The following LIMD1 variants were observed in gnomAD, a reference collection of about 807,000 sequenced individuals.
The protein encoded by LIMD1 is LIM domain containing 1, also known as LIM domain-containing protein 1.
In LIMD1, 23 loss-of-function variants were observed where a neutral mutation model predicts 58.4. The ratio of observed to expected loss-of-function variants is 0.39; its 90% CI spans 0.28 to 0.56. The LOEUF (loss-of-function observed/expected upper bound fraction) is 0.56. Ranked by LOEUF, LIMD1 falls within the 20% of genes least tolerant of loss-of-function variation. The probability of loss-of-function intolerance (pLI) is 0.57; values close to 1 mark genes in which losing one functional copy is unlikely to be tolerated. For synonymous variants in LIMD1, 334 were observed against 345.5 expected (o/e 0.97, Z 0.37); for missense variants, 838 against 855.5 (o/e 0.98, Z 0.25).
At chr3:45,644,771 T>G (rs534576927) in intron 2 of LIMD1, among the ~76,000 whole-genome samples, 1 of 151,998 alleles carries the variant, frequency 6.6e-6, no homozygotes, top group Non-Finnish European at 1.5e-5. Context: ...GCTGTAGCCA[T>G]GGGGCCTTGC....
chr3:45,670,480 A>G (rs539482490), intron 4 of LIMD1, among the ~76,000 whole-genome samples: 2 of 152,240 alleles, frequency 1.3e-5, no homozygotes, highest in African/African-American at 4.8e-5. Context: ...GGGGTCTCCT[A>G]CTTAACTTTG....
At chr3:45,665,796 C>A in intron 3 of LIMD1, 79 bp downstream of exon 3, 2 of 1,212,962 alleles carry the variant, frequency 1.6e-6, no homozygotes, top group Non-Finnish European at 2.4e-6. Flanking sequence ...CCTGGGCCAG[C>A]GTGTAGGGAA....
intron 6 of LIMD1, chr3:45,674,020 T>G: frequency 3.2e-6 from 1 of 313,386 alleles, no homozygotes; most frequent in Non-Finnish European, 6.0e-6. Context: ...TCAAACTCCC[T>G]TACTTGATAC....
intron 2 of LIMD1, among the ~76,000 whole-genome samples, chr3:45,649,597 C>T (rs1349537765): frequency 2.0e-5 from 3 of 149,682 alleles, no homozygotes; most frequent in African/African-American, 7.3e-5. Context: ...AGCAGAATGG[C>T]GTGAACGCAG....
intron 1 of LIMD1, among the ~76,000 whole-genome samples, chr3:45,615,267 G>A (rs1466757226): frequency 6.6e-6 from 1 of 152,134 alleles, no homozygotes; most frequent in East Asian, 1.9e-4. Flanking sequence ...AACAAGGTCT[G>A]TTTGTACAGA....
At chr3:45,665,489 C>T (rs1325512985) in intron 2 of LIMD1, among the ~76,000 whole-genome samples, 161 bp from the exon 3 acceptor site, 1 of 152,172 alleles carries the variant, frequency 6.6e-6, no homozygotes, top group African/African-American at 2.4e-5. Flanking sequence ...TGCCTCTCGC[C>T]GAGGGCCACG....
At chr3:45,609,723 T>C (rs1701505288) in intron 1 of LIMD1, among the ~76,000 whole-genome samples, 1 of 152,240 alleles carries the variant, frequency 6.6e-6, no homozygotes, top group African/African-American at 2.4e-5. Context: ...GAGTACCTAC[T>C]ATGTGCAAGA....
intron 1 of LIMD1, among the ~76,000 whole-genome samples, chr3:45,607,831 C>A (rs992832279): frequency 6.6e-6 from 1 of 152,192 alleles, no homozygotes; most frequent in South Asian, 2.1e-4. Flanking sequence ...ACAGCAGCTT[C>A]CCTGTTCCCC....
intron 1 of LIMD1, among the ~76,000 whole-genome samples, chr3:45,620,485 G>A (rs1052024181): frequency 2.0e-5 from 3 of 152,172 alleles, no homozygotes; most frequent in African/African-American, 7.2e-5. Flanking sequence ...AATAGTTGTT[G>A]CTGTCAAGAA....
At chr3:45,649,316 T>G (rs567786640) in intron 2 of LIMD1, among the ~76,000 whole-genome samples, 1 of 152,272 alleles carries the variant, frequency 6.6e-6, no homozygotes, top group Middle Eastern at 3.4e-3. Context: ...CTTTTTCGTA[T>G]GCTGATTTGG....
Position 45,595,538 on chromosome 3 carries a change from A to T in LIMD1, c.659A>T (p.Lys220Ile). 1 of 1,614,078 alleles carries T rather than the reference A, an allele frequency of 6.2e-7. No homozygotes were observed. The highest frequency in any genetic ancestry group is 8.5e-7 in the Non-Finnish European group (1 of 1,180,020). ...SSPGSDPPLP[K>I]PCGDHPLNHR... ...CCGGGGAGTGACCCACCACTGCCCAAACCCTGCGGGGACCATCCCCTAAAT... is the reference window on the plus strand; with the variant it reads ...CCGGGGAGTGACCCACCACTGCCCATACCCTGCGGGGACCATCCCCTAAAT... The change falls in exon 1 of 8, where the codon AAA (lysine) becomes ATA (isoleucine). Residue 220 changes from lysine (K) to isoleucine (I), a missense_variant. By Grantham distance (102) the Lys-to-Ile change is moderately radical. Coordinates refer to ENST00000273317, the MANE Select transcript of LIMD1 (RefSeq NM_014240.3).
chr3:45,674,482 G>A (rs753316329), intron 7 of LIMD1, 71 bp downstream of exon 7: 4 of 1,194,200 alleles, frequency 3.3e-6, no homozygotes, highest in Non-Finnish European at 5.0e-6. Flanking sequence ...TGCGTTGACT[G>A]GGGCAAGAGG....
rs1228460524 is a variant in LIMD1 at position 45,682,274 on chromosome 3, G to A, written c.*5215G>A. ...TATAAGGAGTGAAGATGCAATCAGG[G>A]TAAAAGGCGGTCTGGAGTTGTGGTG... On this transcript the variant is annotated 3_prime_UTR_variant, in exon 8 of 8. Coordinates refer to ENST00000273317, the MANE Select transcript of LIMD1 (RefSeq NM_014240.3). 1 of 152,282 alleles carries A rather than the reference G, an allele frequency of 6.6e-6. No homozygotes were observed. Among genetic ancestry groups the A allele is most frequent in the Non-Finnish European group, 1.5e-5 (1 of 68,078 alleles). The allele number at this position is 152,282 out of a possible 1,614,324, so 9.4% of individuals were successfully genotyped here. A position where few individuals can be genotyped will look rare whatever the true frequency, so the allele number is the denominator to read the frequency against.
chr3:45,652,029 C>T (rs149712822), intron 2 of LIMD1, among the ~76,000 whole-genome samples: 32 of 152,084 alleles, frequency 2.1e-4, no homozygotes, highest in Admixed American at 7.2e-4. Flanking sequence ...CAGGTTCCAG[C>T]GATTCTCACG....
At position 45,595,704 on chromosome 3, in the gene LIMD1, G is replaced by A; in HGVS notation, c.825G>A (p.Leu275=). ...CCTCCCAGCGGGTGAGCCCTGGCCT[G>A]CCTTCCCCAAACTTGGAGAACGGAG... is the stretch of plus-strand genomic sequence containing the variant. ...TASSQRVSPG[L]PSPNLENGAP... Residue 275 remains leucine (L), a synonymous_variant, in exon 1 of 8, where the codon CTG becomes CTA. Coordinates refer to ENST00000273317, the MANE Select transcript of LIMD1 (RefSeq NM_014240.3). 1 of 1,614,156 alleles carries A rather than the reference G, an allele frequency of 6.2e-7. No individual in the cohort carries two copies. The highest frequency in any genetic ancestry group is 8.5e-7 in the Non-Finnish European group (1 of 1,180,044).
chr3:45,606,234 T>C (rs911819397), intron 1 of LIMD1, among the ~76,000 whole-genome samples: 4 of 152,212 alleles, frequency 2.6e-5, no homozygotes. Context: ...CCTAGTACTT[T>C]TATGAAGTAT....
intron 2 of LIMD1, among the ~76,000 whole-genome samples, chr3:45,644,017 TGAA>T (rs1442528738): frequency 1.3e-5 from 2 of 152,214 alleles, no homozygotes; most frequent in African/African-American, 4.8e-5. Flanking sequence ...CCATGGCTGT[TGAA>T]GACTGCGAAT....
At chr3:45,616,611 C>G (rs1051456868) in intron 1 of LIMD1, among the ~76,000 whole-genome samples, 1 of 152,208 alleles carries the variant, frequency 6.6e-6, no homozygotes, top group Admixed American at 6.5e-5. Flanking sequence ...GTGAGCCCAT[C>G]ACTATTCCAG....
At chr3:45,610,116 C>G (rs186035253) in intron 1 of LIMD1, among the ~76,000 whole-genome samples, 3 of 152,122 alleles carry the variant, frequency 2.0e-5, no homozygotes, top group Non-Finnish European at 4.4e-5. Flanking sequence ...CACTTGAACC[C>G]GGGAGGCGAG....
Sources: gnomAD v4.1 joint callset for allele counts (sites outside exome capture counted in the v4.1 genomes callset) on GRCh38, gnomAD v4.1.1 for gene constraint, MANE v1.5 for transcripts, NCBI Gene and HGNC (gene_info 2026-07-23, HGNC 2026-07-21) for gene names.